The following CNTN4 variants were observed in gnomAD, a reference collection of about 807,000 sequenced individuals.
CNTN4 encodes contactin-4.
Under a neutral mutation model 122.5 loss-of-function variants are expected in CNTN4, and 77 were observed. The observed-to-expected ratio is 0.63, with a 90% CI of 0.52 to 0.76. The LOEUF is 0.76. Among genes scored for constraint, CNTN4 ranks in the 30% least tolerant of loss-of-function variants. The pLI is 0.00. For missense variants in CNTN4, 1,256 were observed against 1,259.1 expected, an observed-to-expected ratio of 1.00 and a Z score of 0.04; for synonymous variants, 512 against 447.0, an observed-to-expected ratio of 1.15 and a Z score of -1.83.
chr3:2,962,135 C>G (rs1446997107), intron 13 of CNTN4, among the ~76,000 whole-genome samples: 1 of 152,190 alleles, frequency 6.6e-6, no homozygotes, highest in Admixed American at 6.5e-5. Context: ...TGAATTCCCT[C>G]CAGGAAAAAC....
intron 3 of CNTN4, among the ~76,000 whole-genome samples, chr3:2,358,733 G>A (rs778039749): frequency 3.3e-5 from 5 of 152,094 alleles, no homozygotes; most frequent in South Asian, 2.1e-4. Flanking sequence ...CAGCTAAAAC[G>A]GTATTATTAA....
intron 3 of CNTN4, among the ~76,000 whole-genome samples, chr3:2,393,413 C>A (rs1261595921): frequency 6.6e-6 from 1 of 152,136 alleles, no homozygotes; most frequent in Non-Finnish European, 1.5e-5. Flanking sequence ...TGTCTTGAGG[C>A]CTTCCACCTT....
chr3:2,825,078 C>T (rs1258499414), intron 7 of CNTN4, among the ~76,000 whole-genome samples: 1 of 152,252 alleles, frequency 6.6e-6, no homozygotes, highest in Non-Finnish European at 1.5e-5. Flanking sequence ...CCTAGGTACT[C>T]ATACTCAGAA....
At chr3:2,805,885 T>A (rs985339768) in intron 6 of CNTN4, among the ~76,000 whole-genome samples, 1 of 152,046 alleles carries the variant, frequency 6.6e-6, no homozygotes, top group Non-Finnish European at 1.5e-5. Flanking sequence ...CTCATAACAC[T>A]TTTTGTTTTG....
intron 17 of CNTN4, among the ~76,000 whole-genome samples, chr3:3,035,597 C>T (rs1699532553): frequency 6.6e-6 from 1 of 152,110 alleles, no homozygotes; most frequent in Non-Finnish European, 1.5e-5. Flanking sequence ...CACTCTGTCA[C>T]CCAGGCTGGA....
intron 16 of CNTN4, 105 bp from the exon 17 acceptor site, chr3:3,034,527 A>G (rs1235575262): frequency 8.4e-6 from 10 of 1,189,204 alleles, no homozygotes; most frequent in Non-Finnish European, 1.0e-5. Flanking sequence ...GAATCTGTGA[A>G]TGGGTAGATA....
At chr3:2,909,151 G>A (rs544708256) in intron 12 of CNTN4, among the ~76,000 whole-genome samples, 2 of 152,300 alleles carry the variant, frequency 1.3e-5, no homozygotes, top group East Asian at 1.9e-4. Context: ...ATAATCAGAT[G>A]TGCTGAGTGT....
intron 13 of CNTN4, among the ~76,000 whole-genome samples, chr3:2,961,231 C>CA (rs59790353): frequency 0.019 from 714 of 37,208 alleles, 42 homozygotes; most frequent in Middle Eastern, 0.05. Context: ...CTCCATCTCA[C>CA]AAAAAAAAAA....
chr3:2,904,121 A>G (rs1480524133), intron 12 of CNTN4, among the ~76,000 whole-genome samples: 1 of 152,200 alleles, frequency 6.6e-6, no homozygotes, highest in Non-Finnish European at 1.5e-5. Context: ...ACAACTGAAA[A>G]CACAAAAACA....
chr3:2,109,327 A>C (rs75675638), intron 2 of CNTN4, among the ~76,000 whole-genome samples: 1,970 of 152,226 alleles, frequency 0.013, 17 homozygotes, highest in Non-Finnish European at 0.018. Context: ...AAGAAAGTGA[A>C]GGTTAGGGCA....
chr3:2,734,541 TCACAA>T (rs1353700673), intron 4 of CNTN4, among the ~76,000 whole-genome samples: 1 of 152,156 alleles, frequency 6.6e-6, no homozygotes, highest in African/African-American at 2.4e-5. Flanking sequence ...CATCTCTTTC[TCACAA>T]CAAGATCGTG....
chr3:2,571,466 A>T lies in CNTN4; in HGVS notation c.-38A>T. The T allele has an allele frequency of 1.3e-6, 2 of 1,500,338 alleles. No individual in the cohort carries two copies. The allele number at this position is 1,500,338 out of a possible 1,614,324, so 92.9% of individuals were successfully genotyped here. The stretch of plus-strand genomic sequence containing the variant: ...GAAGCAGCAATTCTATTCGCTTGTT[A>T]TTGGACTTGAAACTCCCTTTGACCT... On this transcript the variant is annotated 5_prime_UTR_variant, in exon 4 of 25. Coordinates refer to ENST00000418658, the MANE Select transcript of CNTN4 (RefSeq NM_175607.3).
chr3:3,030,947 A>G lies in CNTN4; in HGVS notation c.1755A>G (p.Leu585=), dbSNP rs1184132588. The change falls in exon 16 of 25, where the codon CTA becomes CTG. Residue 585 remains leucine (L), a synonymous_variant. Transcript: ENST00000418658. ...VCMVQTSVDR[L]SAAADLIVRG... is the part of the protein sequence containing the mutation. Reference sequence around the variant, plus strand: ...TGGTCCAAACAAGTGTGGACAGGCTATCTGCTGCTGCAGACCTGATTGTAA... The same window carrying G: ...TGGTCCAAACAAGTGTGGACAGGCTGTCTGCTGCTGCAGACCTGATTGTAA... The G allele has an allele frequency of 1.2e-6, 2 of 1,613,960 alleles. No homozygotes were observed. The highest frequency in any genetic ancestry group is 1.7e-6 in the Non-Finnish European group (2 of 1,179,938).
intron 13 of CNTN4, among the ~76,000 whole-genome samples, chr3:2,946,425 G>A (rs769213664): frequency 8.5e-5 from 13 of 152,086 alleles, no homozygotes; most frequent in Non-Finnish European, 1.8e-4. Context: ...AACTATTGAC[G>A]TGTATATGCT....
At chr3:2,145,169 G>C (rs2035185467) in intron 2 of CNTN4, among the ~76,000 whole-genome samples, 1 of 152,184 alleles carries the variant, frequency 6.6e-6, no homozygotes, top group Non-Finnish European at 1.5e-5. Context: ...AAGATGAAGA[G>C]AGTTTGTGAC....
intron 2 of CNTN4, among the ~76,000 whole-genome samples, chr3:2,259,010 G>C (rs1024844161): frequency 1.3e-5 from 2 of 151,910 alleles, no homozygotes; most frequent in African/African-American, 4.8e-5. Context: ...CTATTCTGTA[G>C]GTGAGGAGAC....
intron 3 of CNTN4, among the ~76,000 whole-genome samples, chr3:2,533,042 T>G (rs2077658264): frequency 6.6e-6 from 1 of 152,112 alleles, no homozygotes; most frequent in African/African-American, 2.4e-5. Flanking sequence ...TTTTCATTAT[T>G]GACTTTCTTT....
chr3:2,187,303 C>T (rs1457751151), intron 2 of CNTN4, among the ~76,000 whole-genome samples: 1 of 152,138 alleles, frequency 6.6e-6, no homozygotes, highest in Non-Finnish European at 1.5e-5. Context: ...GTTTTAGTAC[C>T]AGTACCATGC....
chr3:2,938,853 A>G (rs770755827), intron 13 of CNTN4, among the ~76,000 whole-genome samples: 13 of 152,186 alleles, frequency 8.5e-5, no homozygotes, highest in Admixed American at 4.6e-4. Flanking sequence ...ATAGCTGTGT[A>G]TCATCAAGTG....
Sources: gnomAD v4.1 joint callset for allele counts (sites outside exome capture counted in the v4.1 genomes callset) on GRCh38, gnomAD v4.1.1 for gene constraint, MANE v1.5 for transcripts, NCBI Gene and HGNC (gene_info 2026-07-23, HGNC 2026-07-21) for gene names.